NTM: variants seen among roughly 807,000 people sequenced by gnomAD.
The protein encoded by NTM is neurotrimin, also known as IgLON family member 2.
Under a neutral mutation model 42.1 loss-of-function variants are expected in NTM, and 13 were observed. That is an observed-to-expected ratio of 0.31 (90% CI 0.20 to 0.49). NTM has a LOEUF of 0.49. NTM is among the 20% of genes least tolerant of loss of function. The probability of loss-of-function intolerance (pLI) is 0.99; values close to 1 mark genes in which losing one functional copy is unlikely to be tolerated. For synonymous variants in NTM, 187 were observed against 179.2 expected (o/e 1.04, Z -0.35); for missense variants, 373 against 452.8 (o/e 0.82, Z 1.60).
chr11:131,553,655 C>T (rs1488385350), intron 1 of NTM, among the ~76,000 whole-genome samples: 1 of 152,182 alleles, frequency 6.6e-6, no homozygotes, highest in Non-Finnish European at 1.5e-5. Context: ...TAATCTTTAA[C>T]CTATATTACG....
intron 1 of NTM, among the ~76,000 whole-genome samples, chr11:131,876,304 T>C (rs1340447590): frequency 6.6e-6 from 1 of 152,162 alleles, no homozygotes; most frequent in Non-Finnish European, 1.5e-5. Flanking sequence ...AGAAATCCTG[T>C]CACATAAAGC....
At chr11:131,767,053 T>G in intron 1 of NTM, 1 of 498,552 alleles carries the variant, frequency 2.0e-6, no homozygotes, top group African/African-American at 2.1e-5. Context: ...GTTAAATATT[T>G]CAGTCATCTC....
chr11:131,567,569 A>T (rs180692420), intron 1 of NTM, among the ~76,000 whole-genome samples: 1 of 152,200 alleles, frequency 6.6e-6, no homozygotes, highest in Non-Finnish European at 1.5e-5. Context: ...GACGTGTCCT[A>T]TTGGAAGCAT....
At chr11:131,448,969 C>A (rs1950271991) in intron 1 of NTM, among the ~76,000 whole-genome samples, 1 of 152,176 alleles carries the variant, frequency 6.6e-6, no homozygotes, top group Admixed American at 6.5e-5. Context: ...CCACTGAGAA[C>A]CCTCTAGGAG....
At chr11:131,682,905 A>C (rs2073212662) in intron 1 of NTM, among the ~76,000 whole-genome samples, 1 of 151,864 alleles carries the variant, frequency 6.6e-6, no homozygotes, top group African/African-American at 2.4e-5. Context: ...CATTTTACCT[A>C]CCAGCCGGGA....
chr11:131,606,809 C>T (rs149607014), intron 1 of NTM, among the ~76,000 whole-genome samples: 21 of 152,258 alleles, frequency 1.4e-4, no homozygotes, highest in Middle Eastern at 3.4e-3. Context: ...AGGCAATGGG[C>T]CAGTGTGCTT....
chr11:132,084,852 AGTT>A (rs2059507965), intron 2 of NTM, among the ~76,000 whole-genome samples: 1 of 152,204 alleles, frequency 6.6e-6, no homozygotes, highest in Non-Finnish European at 1.5e-5. Flanking sequence ...CCCTTGCATT[AGTT>A]TACTATTGAT....
chr11:132,236,527 C>CATA (rs1447822649), intron 4 of NTM, among the ~76,000 whole-genome samples: 1 of 152,152 alleles, frequency 6.6e-6, no homozygotes, highest in Non-Finnish European at 1.5e-5. Flanking sequence ...CCACTGTAGG[C>CATA]ATAATGGAGC....
At chr11:131,670,306 G>T (rs1315308496) in intron 1 of NTM, among the ~76,000 whole-genome samples, 2 of 152,044 alleles carry the variant, frequency 1.3e-5, no homozygotes, top group African/African-American at 4.8e-5. Flanking sequence ...GAAAAAAATT[G>T]CTCTCAAATC....
At chr11:131,861,438 C>T (rs1056220950) in intron 1 of NTM, among the ~76,000 whole-genome samples, 4 of 152,146 alleles carry the variant, frequency 2.6e-5, no homozygotes, top group African/African-American at 9.7e-5. Flanking sequence ...AAATCTCTTT[C>T]CTTCTGTCTC....
intron 1 of NTM, among the ~76,000 whole-genome samples, chr11:131,554,675 A>C (rs370683204): frequency 4.1e-4 from 62 of 152,298 alleles, no homozygotes; most frequent in African/African-American, 1.4e-3. Context: ...GGTGGGACGC[A>C]AAGGAATCCC....
At chr11:131,490,980 C>T (rs748240919) in intron 1 of NTM, among the ~76,000 whole-genome samples, 1 of 152,168 alleles carries the variant, frequency 6.6e-6, no homozygotes, top group African/African-American at 2.4e-5. Context: ...AATGCAGACA[C>T]AAGTGTCTCC....
At chr11:131,755,338 G>A (rs1359064623) in intron 1 of NTM, among the ~76,000 whole-genome samples, 1 of 152,146 alleles carries the variant, frequency 6.6e-6, no homozygotes, top group South Asian at 2.1e-4. Flanking sequence ...TGGGGGTGAA[G>A]ACTGGCAAGG....
At chr11:132,186,170 C>T (rs2078361934) in intron 3 of NTM, among the ~76,000 whole-genome samples, 3 of 152,192 alleles carry the variant, frequency 2.0e-5, no homozygotes, top group African/African-American at 7.2e-5. Flanking sequence ...ACCAGAACTC[C>T]ACCACTGAGC....
intron 1 of NTM, chr11:131,661,227 T>A (rs1229432052): frequency 1.5e-5 from 5 of 332,878 alleles, no homozygotes; most frequent in Non-Finnish European, 1.2e-5. Flanking sequence ...GCCAGCACTT[T>A]TGCTAGAGGT....
intron 4 of NTM, among the ~76,000 whole-genome samples, chr11:132,256,731 TG>T (rs1244821876): frequency 6.6e-6 from 1 of 152,052 alleles, no homozygotes; most frequent in Non-Finnish European, 1.5e-5. Context: ...TGAGTGCATC[TG>T]TTTGTTCCCA....
chr11:132,243,367 A>AT (rs2090538834), intron 4 of NTM, among the ~76,000 whole-genome samples: 1 of 152,210 alleles, frequency 6.6e-6, no homozygotes, highest in African/African-American at 2.4e-5. Flanking sequence ...AATATCAAAC[A>AT]TATATAGGCT....
intron 2 of NTM, among the ~76,000 whole-genome samples, chr11:131,948,144 G>A (rs568678863): frequency 2.6e-5 from 4 of 152,046 alleles, no homozygotes; most frequent in South Asian, 2.1e-4. Flanking sequence ...GGCTGATCAC[G>A]AGGTCAGGAG....
At chr11:132,322,099 A>C (rs1001976122) in intron 7 of NTM, among the ~76,000 whole-genome samples, 1 of 152,170 alleles carries the variant, frequency 6.6e-6, no homozygotes, top group Non-Finnish European at 1.5e-5. Flanking sequence ...GACCATCGAG[A>C]CTAGGAAGAA....
Sources: gnomAD v4.1 joint callset for allele counts (sites outside exome capture counted in the v4.1 genomes callset) on GRCh38, gnomAD v4.1.1 for gene constraint, MANE v1.5 for transcripts, NCBI Gene and HGNC (gene_info 2026-07-23, HGNC 2026-07-21) for gene names.